POFUT3: variants seen among roughly 807,000 people sequenced by gnomAD.
POFUT3 encodes GDP-fucose protein O-fucosyltransferase 3.
At chr8:33,386,537 G>A in the POFUT3 span, among the ~76,000 whole-genome samples, 21 of 152,274 alleles carry the variant, frequency 1.4e-4, no homozygotes, top group Non-Finnish European at 2.8e-4. Flanking sequence ...CCCGCTGGGC[G>A]CTGTGGCTCA....
At chr8:33,373,635 T>C in the POFUT3 span, among the ~76,000 whole-genome samples, 4 of 151,924 alleles carry the variant, frequency 2.6e-5, no homozygotes, top group Non-Finnish European at 4.4e-5. Flanking sequence ...TGTTCAGGAT[T>C]TGACCTTCCA....
At chr8:33,310,258 CA>C in the POFUT3 span, among the ~76,000 whole-genome samples, 17 of 133,580 alleles carry the variant, frequency 1.3e-4, no homozygotes, top group Non-Finnish European at 2.0e-4. Context: ...GAATTACTAC[CA>C]AAAAAAAGAA....
chr8:33,459,668 T>A, the POFUT3 span, among the ~76,000 whole-genome samples: 1 of 151,572 alleles, frequency 6.6e-6, no homozygotes, highest in African/African-American at 2.4e-5. Flanking sequence ...GTTCTGTGGA[T>A]TTTGAAATGG....
chr8:33,389,454 C>T, the POFUT3 span: 12 of 1,614,236 alleles, frequency 7.4e-6, no homozygotes, highest in Admixed American at 1.7e-5. Flanking sequence ...CCATAGGAAT[C>T]GACCTCGATG....
the POFUT3 span, among the ~76,000 whole-genome samples, chr8:33,328,040 A>C: frequency 6.6e-6 from 1 of 152,216 alleles, no homozygotes; most frequent in African/African-American, 2.4e-5. Context: ...CAGAAGTATA[A>C]ATAACTCTTC....
chr8:33,331,260 G>A, the POFUT3 span, among the ~76,000 whole-genome samples: 1 of 151,866 alleles, frequency 6.6e-6, no homozygotes, highest in East Asian at 1.9e-4. Context: ...CTTGAACCCA[G>A]GAGGCGGAGG....
chr8:33,360,307 G>A, the POFUT3 span, among the ~76,000 whole-genome samples: 108 of 151,804 alleles, frequency 7.1e-4, no homozygotes, highest in Non-Finnish European at 1.2e-3. Context: ...TTAGCCGGGC[G>A]TGGTGGCGGG....
At chr8:33,426,697 A>G in the POFUT3 span, among the ~76,000 whole-genome samples, 1 of 152,202 alleles carries the variant, frequency 6.6e-6, no homozygotes, top group Non-Finnish European at 1.5e-5. Flanking sequence ...CAGATTTCCC[A>G]GGTCCTACCT....
the POFUT3 span, among the ~76,000 whole-genome samples, chr8:33,359,914 G>A: frequency 6.9e-3 from 1,053 of 152,160 alleles, 13 homozygotes; most frequent in African/African-American, 0.024. Flanking sequence ...GCTGAGACAA[G>A]AGAATTGCTT....
the POFUT3 span, among the ~76,000 whole-genome samples, chr8:33,374,868 C>CTTTTT: frequency 1.4e-5 from 2 of 139,866 alleles, no homozygotes; most frequent in African/African-American, 2.6e-5. Flanking sequence ...TCTTTTTTTT[C>CTTTTT]TTTTCTTTTC....
At chr8:33,330,305 G>A in the POFUT3 span, among the ~76,000 whole-genome samples, 6 of 152,110 alleles carry the variant, frequency 3.9e-5, no homozygotes, top group Non-Finnish European at 7.4e-5. Flanking sequence ...TGAGCTGGGT[G>A]TGGTGGCAGG....
At chr8:33,452,123 G>A in the POFUT3 span, 1 of 152,026 alleles carries the variant, frequency 6.6e-6, no homozygotes, top group Non-Finnish European at 1.5e-5. Context: ...GTATATATAT[G>A]TGTATGTGTA....
chr8:33,428,355 A>T, the POFUT3 span, among the ~76,000 whole-genome samples: 1 of 152,202 alleles, frequency 6.6e-6, no homozygotes, highest in Non-Finnish European at 1.5e-5. Flanking sequence ...AGCTAAAGAA[A>T]TTTTTTAAAT....
At chr8:33,402,922 G>A in the POFUT3 span, among the ~76,000 whole-genome samples, 19 of 151,700 alleles carry the variant, frequency 1.3e-4, no homozygotes, top group African/African-American at 4.1e-4. Flanking sequence ...TCAGCCAGGT[G>A]CGGTGGTGTG....
the POFUT3 span, among the ~76,000 whole-genome samples, chr8:33,454,323 T>A: frequency 3.9e-5 from 6 of 152,134 alleles, no homozygotes; most frequent in African/African-American, 1.2e-4. Context: ...GCCTCCTTCC[T>A]CCTCTTCAAA....
the POFUT3 span, among the ~76,000 whole-genome samples, chr8:33,330,942 C>G: frequency 6.6e-6 from 1 of 152,148 alleles, no homozygotes; most frequent in African/African-American, 2.4e-5. Flanking sequence ...TGGTTTTTCA[C>G]CTTTTTAATC....
At chr8:33,313,073 A>C in the POFUT3 span, among the ~76,000 whole-genome samples, 1 of 152,174 alleles carries the variant, frequency 6.6e-6, no homozygotes, top group African/African-American at 2.4e-5. Flanking sequence ...TACAGCAAGG[A>C]GAAAATGGAC....
chr8:33,450,026 C>A, the POFUT3 span, among the ~76,000 whole-genome samples: 6 of 151,426 alleles, frequency 4.0e-5, no homozygotes, highest in Admixed American at 4.0e-4. Context: ...CAACCTCCAC[C>A]TCCCAAGTTC....
chr8:33,448,661 T>C, the POFUT3 span, among the ~76,000 whole-genome samples: 5 of 152,030 alleles, frequency 3.3e-5, no homozygotes, highest in East Asian at 9.7e-4. Flanking sequence ...CGGCAGGGCA[T>C]GATGGCTTAC....
Sources: allele counts gnomAD v4.1 joint callset (sites outside exome capture counted in the v4.1 genomes callset), GRCh38; gene constraint gnomAD v4.1.1; transcripts MANE v1.5; gene names NCBI Gene and HGNC (gene_info 2026-07-23, HGNC 2026-07-21).